EDA: variants seen among roughly 807,000 people sequenced by gnomAD.
EDA encodes ectodysplasin A, also known as ectodysplasin-A.
Under a neutral mutation model 23.6 loss-of-function variants are expected in EDA, and 2 were observed. That is an observed-to-expected ratio of 0.08 (90% CI 0.03 to 0.27). The LOEUF (loss-of-function observed/expected upper bound fraction) is 0.27. EDA is among the 10% of genes least tolerant of loss of function. The pLI, the probability that EDA is intolerant of heterozygous loss-of-function variation, is 1.00. For synonymous variants in EDA, 131 were observed against 132.0 expected (o/e 0.99, Z 0.05); for missense variants, 229 against 324.2 (o/e 0.71, Z 2.26).
Position 69,916,396 on chromosome X carries a change from C to CTTTTTT in EDA, c.397-40612_397-40607dup, listed in dbSNP as rs782071176. Among the ~76,000 whole-genome samples the CTTTTTT allele has an allele frequency of 2.6e-3, 153 of 58,117 alleles. 1 individual carries two copies. The highest frequency in any genetic ancestry group is 3.3e-3 in the African/African-American group (44 of 13,493). 50.5% of individuals were successfully genotyped at this position (58,117 alleles called of 115,157 possible). A position where few individuals can be genotyped will look rare whatever the true frequency, so the allele number is the denominator to read the frequency against. On this transcript the variant is annotated intron_variant, in intron 1 of 7. Coordinates refer to ENST00000374552, the MANE Select transcript of EDA (RefSeq NM_001399.5). ...ATTAGTAACATTAATCTCTACTGTT[C>CTTTTTT]TTTTTTTTTTTTTTTTTTTTTTTTG...
At chrX:70,008,966 G>T (rs1279875306) in intron 2 of EDA, among the ~76,000 whole-genome samples, 1 of 111,709 alleles carries the variant, frequency 9.0e-6, no homozygotes, top group Non-Finnish European at 1.9e-5. Context: ...TTACATATAG[G>T]CCTACACAGA....
At chrX:69,753,967 C>A (rs1253057836) in intron 1 of EDA, among the ~76,000 whole-genome samples, 5 of 108,693 alleles carry the variant, frequency 4.6e-5, no homozygotes, top group Non-Finnish European at 9.5e-5. Context: ...ATGTGTGTTT[C>A]TGCACGTGAG....
chrX:70,024,962 G>A (rs748331844), intron 3 of EDA, among the ~76,000 whole-genome samples: 16 of 111,903 alleles, frequency 1.4e-4, no homozygotes, highest in Non-Finnish European at 2.4e-4. Flanking sequence ...AGGAAATCGA[G>A]AGAAGGGAGT....
At chrX:69,885,061 C>T (rs747012195) in intron 1 of EDA, among the ~76,000 whole-genome samples, 7 of 111,929 alleles carry the variant, frequency 6.3e-5, no homozygotes, top group African/African-American at 9.7e-5. Context: ...TTGCATTTTC[C>T]TAGTGATTAA....
At chrX:69,739,535 T>A (rs1307584157) in intron 1 of EDA, among the ~76,000 whole-genome samples, 1 of 111,383 alleles carries the variant, frequency 9.0e-6, no homozygotes, top group Non-Finnish European at 1.9e-5. Context: ...TGACCCTCTA[T>A]ATCTTTTGTC....
intron 1 of EDA, among the ~76,000 whole-genome samples, chrX:69,736,959 G>C (rs1458168682): frequency 1.8e-5 from 2 of 108,303 alleles, no homozygotes. Flanking sequence ...TTTTAGTAGA[G>C]ATGGGTTTCA....
At chrX:69,782,880 T>C (rs2014997490) in intron 1 of EDA, among the ~76,000 whole-genome samples, 1 of 111,946 alleles carries the variant, frequency 8.9e-6, no homozygotes, top group African/African-American at 3.2e-5. Flanking sequence ...TTTGGGTAAC[T>C]AACATGTGGT....
At chrX:69,944,597 G>T (rs144625050) in intron 1 of EDA, among the ~76,000 whole-genome samples, 1 of 111,271 alleles carries the variant, frequency 9.0e-6, no homozygotes, top group African/African-American at 3.3e-5. Flanking sequence ...TCAAGAAGAG[G>T]GAAGGAATCT....
At chrX:69,905,265 A>G (rs914309277) in intron 1 of EDA, among the ~76,000 whole-genome samples, 15 of 112,048 alleles carry the variant, frequency 1.3e-4, no homozygotes, top group African/African-American at 4.9e-4. Context: ...GGAGAAGTGG[A>G]CTTAGCCACA....
intron 2 of EDA, among the ~76,000 whole-genome samples, chrX:69,982,766 A>G (rs1486726198): frequency 6.3e-5 from 6 of 95,190 alleles, no homozygotes; most frequent in Non-Finnish European, 8.3e-5. Flanking sequence ...GTAGATGTCT[A>G]TTAGGTCCCC....
At chrX:70,028,063 C>A in intron 4 of EDA, 27 bp downstream of exon 4, 1 of 1,194,112 alleles carries the variant, frequency 8.4e-7, no homozygotes, top group African/African-American at 1.8e-5. Flanking sequence ...CTCCACCCCA[C>A]CAGGTGCCTT....
intron 1 of EDA, among the ~76,000 whole-genome samples, chrX:69,884,911 G>T (rs890246231): frequency 8.9e-6 from 1 of 112,078 alleles, no homozygotes; most frequent in Non-Finnish European, 1.9e-5. Flanking sequence ...TTCCAAAGTG[G>T]CTGCAACATT....
chrX:69,715,661 G>A (rs1246315446), intron 1 of EDA, among the ~76,000 whole-genome samples: 2 of 111,708 alleles, frequency 1.8e-5, no homozygotes, highest in Non-Finnish European at 3.8e-5. Context: ...TTGCCACACT[G>A]TTTTTCACAA....
intron 2 of EDA, among the ~76,000 whole-genome samples, chrX:70,006,602 C>A (rs1477462629): frequency 9.0e-6 from 1 of 111,611 alleles, no homozygotes; most frequent in Admixed American, 9.5e-5. Context: ...CTGTTCAGAT[C>A]TTTGCCCATT....
At chrX:69,654,957 AT>A (rs1324756342) in intron 1 of EDA, among the ~76,000 whole-genome samples, 1 of 110,490 alleles carries the variant, frequency 9.1e-6, no homozygotes, top group Non-Finnish European at 1.9e-5. Context: ...TAACAATACA[AT>A]TAAAAAAAAA....
rs776005086 is a variant in EDA, at chrX:69,616,271, G to A, written c.-38G>A. 3.5e-6 allele frequency: 4 copies of A among 1,159,268 alleles called. No homozygotes were observed. The South Asian group carries it at 5.6e-5, about 16-fold the overall frequency. On this transcript the variant is annotated 5_prime_UTR_variant, in exon 1 of 8. Transcript: ENST00000374552. The stretch of plus-strand genomic sequence containing the variant: ...GTGAACGGCTGAGGCAGACGCAGCG[G>A]CTCCCGGGCCTCAAGAGAGTGGGTG...
chrX:69,817,091 A>G (rs2147510450), intron 1 of EDA, among the ~76,000 whole-genome samples: 1 of 112,121 alleles, frequency 8.9e-6, no homozygotes, highest in South Asian at 3.8e-4. Flanking sequence ...AAGAAATTCT[A>G]ACCCATAATT....
intron 1 of EDA, among the ~76,000 whole-genome samples, chrX:69,701,459 C>T (rs2011531099): frequency 1.8e-5 from 2 of 112,206 alleles, no homozygotes; most frequent in Middle Eastern, 4.6e-3. Flanking sequence ...GAGCTGCGGC[C>T]CTTGGGCCTG....
chrX:69,740,701 GT>G (rs1264809931), intron 1 of EDA, among the ~76,000 whole-genome samples: 1 of 110,612 alleles, frequency 9.0e-6, no homozygotes, highest in African/African-American at 3.3e-5. Flanking sequence ...AATTTAGGAT[GT>G]TTTTTAACAT....
Sources: allele counts gnomAD v4.1 joint callset (sites outside exome capture counted in the v4.1 genomes callset), GRCh38; gene constraint gnomAD v4.1.1; transcripts MANE v1.5; gene names NCBI Gene and HGNC (gene_info 2026-07-23, HGNC 2026-07-21).